SYNE1: variants seen among roughly 807,000 people sequenced by gnomAD.
SYNE1 encodes the protein nesprin-1.
Under a neutral mutation model 1,111.0 loss-of-function variants are expected in SYNE1, and 616 were observed. The observed-to-expected ratio is 0.55, with a 90% CI of 0.52 to 0.59. The LOEUF (loss-of-function observed/expected upper bound fraction) is 0.59, where lower values mean the gene tolerates loss of function less well. SYNE1 is among the 20% of genes least tolerant of loss of function. The pLI, the probability that SYNE1 is intolerant of heterozygous loss-of-function variation, is 0.00. For synonymous variants in SYNE1, 3,855 were observed against 3,825.8 expected, an observed-to-expected ratio of 1.01 and a Z score of -0.28; for missense variants, 10,006 against 10,417.0, an observed-to-expected ratio of 0.96 and a Z score of 1.72.
chr6:152,612,878 C>T (rs1353377490), intron 3 of SYNE1, among the ~76,000 whole-genome samples: 2 of 152,170 alleles, frequency 1.3e-5, no homozygotes, highest in African/African-American at 4.8e-5. Flanking sequence ...ATTATGTAAA[C>T]AGAACCAATG....
chr6:152,246,664 A>G (rs1458054429), intron 105 of SYNE1, among the ~76,000 whole-genome samples: 3 of 152,238 alleles, frequency 2.0e-5, no homozygotes, highest in African/African-American at 4.8e-5. Flanking sequence ...ATAAATCATT[A>G]GAAAATTTTC....
chr6:152,192,369 T>C (rs2153234273), intron 127 of SYNE1, among the ~76,000 whole-genome samples: 1 of 152,264 alleles, frequency 6.6e-6, no homozygotes, highest in South Asian at 2.1e-4. Flanking sequence ...TATTATTGTA[T>C]TTGGGTCTAA....
At chr6:152,129,789 C>T (rs1056570042) in intron 145 of SYNE1, among the ~76,000 whole-genome samples, 4 of 152,206 alleles carry the variant, frequency 2.6e-5, no homozygotes, top group Non-Finnish European at 5.9e-5. Flanking sequence ...TCCCCACCCT[C>T]CTTCCAGGAA....
chr6:152,127,673 G>A (rs993956189), intron 145 of SYNE1: 2 of 152,092 alleles, frequency 1.3e-5, no homozygotes, highest in Non-Finnish European at 2.9e-5. Flanking sequence ...GCTTTCCTTG[G>A]GGCACGGGTG....
At chr6:152,489,992 C>T (rs572139389) in intron 11 of SYNE1, among the ~76,000 whole-genome samples, 6 of 152,212 alleles carry the variant, frequency 3.9e-5, no homozygotes, top group Admixed American at 2.0e-4. Context: ...ACAACCTCAG[C>T]GCTAATATTC....
At position 152,358,303 on chromosome 6, in the gene SYNE1, C is replaced by T; in HGVS notation, c.10608+70G>A. ...TGGACTCAAGGTTTCTATTAACTTC[C>T]TATTGCCTAAAATAATAATTCCATA... On this transcript the variant is annotated intron_variant, in intron 66 of 145. Transcript: ENST00000367255. 5 of 1,606,984 alleles carry T rather than the reference C, an allele frequency of 3.1e-6. No individual in the cohort carries two copies. The Middle Eastern group carries it at 6.6e-4, about 212-fold the overall frequency.
intron 104 of SYNE1, among the ~76,000 whole-genome samples, chr6:152,249,973 A>C (rs780768475): frequency 4.6e-5 from 7 of 152,182 alleles, no homozygotes; most frequent in Non-Finnish European, 1.0e-4. Context: ...TATTTAAATT[A>C]TAAAAAATTT....
chr6:152,387,900 GC>G, intron 53 of SYNE1, among the ~76,000 whole-genome samples: 1 of 152,202 alleles, frequency 6.6e-6, no homozygotes, highest in South Asian at 2.1e-4. Flanking sequence ...AATATACAGT[GC>G]TTTTGTGTCG....
At chr6:152,239,845 G>C (rs2085145032) in intron 107 of SYNE1, 139 bp from the exon 108 acceptor site, 1 of 885,404 alleles carries the variant, frequency 1.1e-6, no homozygotes, top group Non-Finnish European at 1.8e-6. Flanking sequence ...GATTACCTGA[G>C]GTCAAGAGCT....
At chr6:152,494,427 C>T (rs1288719293) in intron 11 of SYNE1, among the ~76,000 whole-genome samples, 1 of 152,110 alleles carries the variant, frequency 6.6e-6, no homozygotes, top group African/African-American at 2.4e-5. Flanking sequence ...TCCTTCTTTC[C>T]TGTTCCTCAC....
At chr6:152,314,438 C>A (rs965514646) in intron 87 of SYNE1, among the ~76,000 whole-genome samples, 3 of 152,174 alleles carry the variant, frequency 2.0e-5, no homozygotes, top group Admixed American at 6.5e-5. Flanking sequence ...TCCTGAGAAG[C>A]CTTTCTGCAC....
In SYNE1 at chr6:152,390,582, T is replaced by C. The variant is rs879270480; in HGVS notation, c.8005-130A>G. ...ACCTTAAAATGAAAACAACAAACTC[T>C]GGGCCCTATTGCAATATAATATTGA... is the stretch of plus-strand genomic sequence containing the variant. On this transcript the variant is annotated intron_variant, in intron 52 of 145. Transcript: ENST00000367255. 10 of 887,156 alleles carry C rather than the reference T, an allele frequency of 1.1e-5. No homozygotes were observed. In the Admixed American group the frequency reaches 2.3e-4, roughly 20 times the overall value. The allele number at this position is 887,156 out of a possible 1,614,324, so 55.0% of individuals were successfully genotyped here.
intron 3 of SYNE1, among the ~76,000 whole-genome samples, chr6:152,608,069 G>C (rs975524301): frequency 2.0e-5 from 3 of 152,064 alleles, no homozygotes; most frequent in Non-Finnish European, 4.4e-5. Flanking sequence ...CTAGATGATG[G>C]GTTAATAGGT....
In SYNE1 at chr6:152,316,888, A is replaced by T; in HGVS notation, c.16671T>A (p.Asn5557Lys). The change falls in exon 87 of 146, where the codon AAT becomes AAA. Residue 5557 changes from asparagine (N) to lysine (K), a missense_variant. Asn to Lys is a moderately conservative substitution (Grantham distance 94). This residue lies in a region of SYNE1 where 4,955 missense variants were observed against 5,017.2 expected (regional missense o/e 0.99). Transcript: ENST00000367255. Reference protein sequence around the residue: ...KVLAHGTIAWNSASQLREQYI... With the variant: ...KVLAHGTIAWKSASQLREQYI... ...ATTGTTCCCGAAGCTGGCTTGCAGA[A>T]TTCCATGCAATAGTTCCATGAGCCA... is the stretch of plus-strand genomic sequence containing the variant. 1 of 1,614,200 alleles carries T rather than the reference A, an allele frequency of 6.2e-7. No individual in the cohort carries two copies. The highest frequency in any genetic ancestry group is 1.1e-5 in the South Asian group (1 of 91,086).
intron 3 of SYNE1, among the ~76,000 whole-genome samples, chr6:152,574,246 A>G (rs2099487160): frequency 6.6e-6 from 1 of 150,618 alleles, no homozygotes; most frequent in Non-Finnish European, 1.5e-5. Context: ...GATAGGCCTT[A>G]GAAGTTAATT....
chr6:152,344,812 T>C (rs1044548566), intron 73 of SYNE1, among the ~76,000 whole-genome samples: 2 of 152,218 alleles, frequency 1.3e-5, no homozygotes, highest in Non-Finnish European at 2.9e-5. Flanking sequence ...TTCTGATATG[T>C]CTATTTAATT....
intron 106 of SYNE1, among the ~76,000 whole-genome samples, chr6:152,243,586 G>A (rs971842701): frequency 3.3e-5 from 5 of 152,050 alleles, no homozygotes; most frequent in African/African-American, 9.7e-5. Flanking sequence ...AAGTGCTGTC[G>A]GAAAACTGTC....
intron 59 of SYNE1, among the ~76,000 whole-genome samples, chr6:152,370,291 G>A (rs943215046): frequency 6.6e-6 from 1 of 152,110 alleles, no homozygotes; most frequent in Non-Finnish European, 1.5e-5. Flanking sequence ...GAACTAGACT[G>A]CAAGCTCCAT....
chr6:152,255,729 C>T lies in SYNE1; in HGVS notation c.19122G>A (p.Arg6374=). 6.2e-7 allele frequency: 1 copy of T among 1,614,204 alleles called. No homozygotes were observed. The highest frequency in any genetic ancestry group is 2.2e-5 in the East Asian group (1 of 44,880). Residue 6374 remains arginine, a synonymous_variant, in exon 103 of 146, where the codon AGG becomes AGA. Transcript: ENST00000367255. ...ACTTCTGCTCCAAGTGTATACTCTGCCTCTTTGCCCCTCCACTCTGGGAAA... is the reference window on the plus strand; with the variant it reads ...ACTTCTGCTCCAAGTGTATACTCTGTCTCTTTGCCCCTCCACTCTGGGAAA... ...EVSSQSGGAK[R]QSIHLEQKLY...
Sources: gnomAD v4.1 joint callset for allele counts (sites outside exome capture counted in the v4.1 genomes callset) on GRCh38, gnomAD v4.1.1 for gene constraint, gnomAD v4.1.1 regional missense constraint, MANE v1.5 for transcripts, NCBI Gene and HGNC (gene_info 2026-07-23, HGNC 2026-07-21) for gene names.